Variants in CTNNA3 observed in about 807,000 individuals in gnomAD.
CTNNA3 encodes the protein catenin alpha-3.
In CTNNA3, 76 loss-of-function variants were observed where a neutral mutation model predicts 95.7. That is an observed-to-expected ratio of 0.79 (90% CI 0.66 to 0.96). The LOEUF (loss-of-function observed/expected upper bound fraction) is 0.96. Among genes scored for constraint, CTNNA3 ranks in the 40% least tolerant of loss-of-function variants. CTNNA3 has a pLI of 0.00. For synonymous variants in CTNNA3, 431 were observed against 374.4 expected (o/e 1.15, Z -1.74); for missense variants, 1,191 against 1,089.8 (o/e 1.09, Z -1.31).
intron 9 of CTNNA3, among the ~76,000 whole-genome samples, chr10:66,635,490 G>T (rs1157227876): frequency 6.6e-6 from 1 of 152,090 alleles, no homozygotes; most frequent in African/African-American, 2.4e-5. Flanking sequence ...TCACATGGCA[G>T]AAAGAGAAGG....
At chr10:67,112,589 A>C (rs1427433031) in intron 7 of CTNNA3, among the ~76,000 whole-genome samples, 1 of 151,516 alleles carries the variant, frequency 6.6e-6, no homozygotes, top group African/African-American at 2.4e-5. Context: ...TGGTCTTAAG[A>C]GTCAAGGCAA....
At chr10:66,402,087 A>G (rs1311088356) in intron 11 of CTNNA3, among the ~76,000 whole-genome samples, 1 of 152,218 alleles carries the variant, frequency 6.6e-6, no homozygotes, top group Non-Finnish European at 1.5e-5. Context: ...TCTCACATGA[A>G]TGTGAAATAC....
intron 5 of CTNNA3, among the ~76,000 whole-genome samples, chr10:67,285,532 T>A (rs958576625): frequency 6.6e-6 from 1 of 152,132 alleles, no homozygotes; most frequent in African/African-American, 2.4e-5. Flanking sequence ...TCACACTGCA[T>A]AAATGAATAA....
At chr10:66,117,341 C>G (rs567629828) in intron 13 of CTNNA3, among the ~76,000 whole-genome samples, 2 of 152,236 alleles carry the variant, frequency 1.3e-5, no homozygotes, top group African/African-American at 4.8e-5. Context: ...TGGCAAAATA[C>G]TATATTATAT....
chr10:66,410,510 C>T (rs2093094895), intron 11 of CTNNA3, among the ~76,000 whole-genome samples: 1 of 152,146 alleles, frequency 6.6e-6, no homozygotes, highest in South Asian at 2.1e-4. Flanking sequence ...CTTGGCCCCA[C>T]GCTTTTATCA....
At chr10:67,709,393 G>A (rs1841094755) in intron 1 of CTNNA3, among the ~76,000 whole-genome samples, 1 of 152,152 alleles carries the variant, frequency 6.6e-6, no homozygotes, top group South Asian at 2.1e-4. Context: ...TGGGAAATTA[G>A]AAAGTTGCAT....
chr10:65,926,192 C>T (rs575269700), intron 17 of CTNNA3, among the ~76,000 whole-genome samples: 1 of 151,480 alleles, frequency 6.6e-6, no homozygotes, highest in South Asian at 2.1e-4. Context: ...TTCTTGAATG[C>T]TTAATTACAT....
intron 6 of CTNNA3, among the ~76,000 whole-genome samples, chr10:67,198,408 C>A (rs1416552088): frequency 1.3e-5 from 2 of 151,888 alleles, no homozygotes; most frequent in African/African-American, 4.8e-5. Flanking sequence ...ATGAGTTAGA[C>A]TAAAAAAGAG....
chr10:67,564,715 A>ATG (rs1564744603), intron 3 of CTNNA3, among the ~76,000 whole-genome samples: 14 of 86,344 alleles, frequency 1.6e-4, no homozygotes, highest in African/African-American at 4.9e-4. Context: ...ATATATATAT[A>ATG]TATCACTATG....
intron 11 of CTNNA3, among the ~76,000 whole-genome samples, chr10:66,479,979 C>T (rs1003960362): frequency 3.4e-5 from 5 of 146,438 alleles, no homozygotes; most frequent in Non-Finnish European, 7.4e-5. Flanking sequence ...CACACACACA[C>T]CCCAGAACTT....
At chr10:67,374,464 C>G (rs1184297221) in intron 5 of CTNNA3, among the ~76,000 whole-genome samples, 1 of 152,048 alleles carries the variant, frequency 6.6e-6, no homozygotes, top group Non-Finnish European at 1.5e-5. Context: ...AAATATTAAC[C>G]AACTTTTCCA....
intron 14 of CTNNA3, among the ~76,000 whole-genome samples, chr10:66,095,196 G>C (rs755240727): frequency 6.6e-6 from 1 of 152,112 alleles, no homozygotes; most frequent in Non-Finnish European, 1.5e-5. Flanking sequence ...TCTAAGAAAA[G>C]TAGGAAGAGC....
chr10:65,948,987 A>G (rs1297380366), intron 17 of CTNNA3, among the ~76,000 whole-genome samples: 1 of 152,146 alleles, frequency 6.6e-6, no homozygotes, highest in Non-Finnish European at 1.5e-5. Context: ...GCTTGTTTCT[A>G]TTTTGAGTTT....
rs560073029 is a variant in CTNNA3, at chr10:65,915,063, C to T, written c.*5267G>A. 21 of 152,164 alleles carry T rather than the reference C, an allele frequency of 1.4e-4. No homozygotes were observed. The highest frequency in any genetic ancestry group is 2.4e-4 in the Non-Finnish European group (16 of 67,984). The allele number at this position is 152,164 out of a possible 1,614,324, so 9.4% of individuals were successfully genotyped here. On this transcript the variant is annotated 3_prime_UTR_variant, in exon 18 of 18. Transcript: ENST00000433211. ...AGCTGGCACATGAGGGCAAGGATCA[C>T]TATTTGTTTTGTTATATGGTGTATC...
intron 15 of CTNNA3, among the ~76,000 whole-genome samples, chr10:66,037,488 A>C (rs2079590555): frequency 6.6e-6 from 1 of 152,330 alleles, no homozygotes; most frequent in Middle Eastern, 3.4e-3. Context: ...CTACTGAAAA[A>C]ATAAATAAGC....
intron 1 of CTNNA3, among the ~76,000 whole-genome samples, chr10:67,654,361 G>A (rs1839961201): frequency 6.6e-6 from 1 of 152,166 alleles, no homozygotes; most frequent in Non-Finnish European, 1.5e-5. Context: ...AAACGTTAAA[G>A]ATAGGCCTGC....
intron 7 of CTNNA3, among the ~76,000 whole-genome samples, chr10:66,898,348 C>T (rs557322875): frequency 2.8e-4 from 40 of 144,296 alleles, no homozygotes; most frequent in African/African-American, 7.5e-4. Context: ...TCCTAAAATT[C>T]ATATGGAACT....
intron 11 of CTNNA3, among the ~76,000 whole-genome samples, chr10:66,423,266 T>TG (rs1179647172): frequency 6.6e-6 from 1 of 152,154 alleles, no homozygotes; most frequent in Non-Finnish European, 1.5e-5. Context: ...TGGCCTATAA[T>TG]TTTTTTCTTC....
intron 9 of CTNNA3, among the ~76,000 whole-genome samples, chr10:66,684,831 A>C (rs1170186335): frequency 6.6e-6 from 1 of 152,138 alleles, no homozygotes; most frequent in Non-Finnish European, 1.5e-5. Context: ...TTGGCACCGG[A>C]GAAGTCCTTA....
Sources: allele counts gnomAD v4.1 joint callset (sites outside exome capture counted in the v4.1 genomes callset), GRCh38; gene constraint gnomAD v4.1.1; transcripts MANE v1.5; gene names NCBI Gene and HGNC (gene_info 2026-07-23, HGNC 2026-07-21).